Variants in BCAR3 observed in about 807,000 individuals in gnomAD.
BCAR3 encodes BCAR3 adaptor protein, NSP family member, also known as breast cancer anti-estrogen resistance protein 3.
BCAR3 carries 37 observed loss-of-function variants against 80.1 expected under a neutral mutation model. The ratio of observed to expected loss-of-function variants is 0.46; its 90% CI spans 0.36 to 0.61. The LOEUF is 0.61. BCAR3 is among the 20% of genes least tolerant of loss of function. BCAR3 has a pLI of 0.00. For missense variants in BCAR3, 978 were observed against 1,068.2 expected (o/e 0.92, Z 1.18); for synonymous variants, 389 against 418.9 (o/e 0.93, Z 0.87).
rs1675238966 is a variant in BCAR3 at position 93,619,255 on chromosome 1, G to A, written c.357+23049C>T. 1.3e-5 allele frequency among the ~76,000 whole-genome samples: 2 copies of A among 151,952 alleles called. 1 individual carries two copies. The highest frequency in any genetic ancestry group is 4.2e-4 in the South Asian group (2 of 4,808). Reference sequence around the variant, plus strand: ...GCCACTGTGCCCAGCCAAAGCCATGGTTTTTAGTTTCTGTCTCTAGTGATA... The same window carrying A: ...GCCACTGTGCCCAGCCAAAGCCATGATTTTTAGTTTCTGTCTCTAGTGATA... On this transcript the variant is annotated intron_variant, in intron 3 of 11. Coordinates refer to ENST00000260502, the MANE Select transcript of BCAR3 (RefSeq NM_003567.4).
intron 2 of BCAR3, among the ~76,000 whole-genome samples, chr1:93,662,610 T>C (rs914165284): frequency 6.6e-6 from 1 of 152,180 alleles, no homozygotes; most frequent in Middle Eastern, 3.2e-3. Flanking sequence ...TCCAGCGTGC[T>C]TCCTGTATTA....
intron 3 of BCAR3, among the ~76,000 whole-genome samples, chr1:93,599,902 C>G (rs957337348): frequency 2.0e-5 from 3 of 152,172 alleles, no homozygotes; most frequent in Non-Finnish European, 4.4e-5. Flanking sequence ...ATTCGAATCC[C>G]CACTGTTTAG....
chr1:93,570,381 T>C (rs1453221365), intron 9 of BCAR3, among the ~76,000 whole-genome samples: 2 of 152,216 alleles, frequency 1.3e-5, no homozygotes, highest in Admixed American at 6.5e-5. Flanking sequence ...AAAGTTTTGC[T>C]GGCTGGACTG....
intron 3 of BCAR3, among the ~76,000 whole-genome samples, chr1:93,692,857 C>T (rs182423305): frequency 9.8e-5 from 15 of 152,290 alleles, no homozygotes; most frequent in Non-Finnish European, 1.6e-4. Flanking sequence ...ACTTGCTAGG[C>T]ATTCCATAGA....
intron 2 of BCAR3, among the ~76,000 whole-genome samples, chr1:93,794,211 G>T (rs1324000562): frequency 1.3e-4 from 10 of 74,086 alleles, no homozygotes; most frequent in Admixed American, 3.0e-4. Flanking sequence ...GGGTATCCTT[G>T]TTGACTTTCT....
At chr1:93,624,993 G>A (rs1012417112) in intron 3 of BCAR3, among the ~76,000 whole-genome samples, 7 of 152,130 alleles carry the variant, frequency 4.6e-5, no homozygotes, top group African/African-American at 1.2e-4. Context: ...GGCGGATCAC[G>A]AGGTCAGGAG....
At chr1:93,752,338 C>G (rs1017941080) in intron 2 of BCAR3, among the ~76,000 whole-genome samples, 3 of 152,210 alleles carry the variant, frequency 2.0e-5, no homozygotes, top group Non-Finnish European at 4.4e-5. Flanking sequence ...GGGTAGGGAG[C>G]TGTGAGGTTT....
At chr1:93,656,830 CA>C (rs1455127483) in intron 2 of BCAR3, among the ~76,000 whole-genome samples, 1 of 152,120 alleles carries the variant, frequency 6.6e-6, no homozygotes, top group Non-Finnish European at 1.5e-5. Context: ...CTCAGCCTCT[CA>C]AAGTGGTAGG....
At chr1:93,782,119 G>T (rs887801303) in intron 2 of BCAR3, among the ~76,000 whole-genome samples, 42 of 152,310 alleles carry the variant, frequency 2.8e-4, no homozygotes, top group African/African-American at 8.9e-4. Context: ...GGAGGGAAAA[G>T]GAAGCAAAAT....
intron 2 of BCAR3, among the ~76,000 whole-genome samples, chr1:93,655,080 G>T (rs1647309286): frequency 6.6e-6 from 1 of 152,192 alleles, no homozygotes; most frequent in Non-Finnish European, 1.5e-5. Context: ...ATAAACCTAA[G>T]CGCAGCGTTC....
intron 3 of BCAR3, among the ~76,000 whole-genome samples, chr1:93,616,027 A>T (rs937385442): frequency 3.8e-4 from 58 of 152,322 alleles, no homozygotes; most frequent in African/African-American, 1.3e-3. Context: ...GCATTCCTGA[A>T]AGTAATATGC....
chr1:93,847,538 C>T (rs1046522716), upstream of BCAR3: 1 of 152,700 alleles, frequency 6.5e-6, no homozygotes, highest in African/African-American at 2.4e-5. Flanking sequence ...TCGCCTCTGG[C>T]TTAACATAGC....
chr1:93,601,733 A>G (rs961310329), intron 3 of BCAR3, among the ~76,000 whole-genome samples: 1 of 152,222 alleles, frequency 6.6e-6, no homozygotes, highest in Admixed American at 6.5e-5. Flanking sequence ...AAGCCTGGCA[A>G]TTAACTTGGT....
intron 2 of BCAR3, among the ~76,000 whole-genome samples, chr1:93,746,277 A>G (rs1030738508): frequency 6.6e-6 from 1 of 152,162 alleles, no homozygotes; most frequent in African/African-American, 2.4e-5. Context: ...TGTCTAGGAG[A>G]TGGAAAGAGA....
chr1:93,638,875 G>A (rs1675888024), intron 3 of BCAR3, among the ~76,000 whole-genome samples: 1 of 152,140 alleles, frequency 6.6e-6, no homozygotes, highest in Admixed American at 6.5e-5. Flanking sequence ...ATTGTGAGGA[G>A]AGAAGGTTAG....
At chr1:93,641,732 G>A (rs192689188) in intron 3 of BCAR3, among the ~76,000 whole-genome samples, 5 of 152,150 alleles carry the variant, frequency 3.3e-5, no homozygotes, top group Non-Finnish European at 5.9e-5. Flanking sequence ...GTGGCTGTTG[G>A]AATGGAAAAG....
chr1:93,721,333 C>T (rs559844539), intron 2 of BCAR3, among the ~76,000 whole-genome samples: 34 of 152,206 alleles, frequency 2.2e-4, no homozygotes, highest in South Asian at 8.3e-4. Flanking sequence ...GTGGTTTGCC[C>T]AGGTTGTCCC....
chr1:93,698,084 A>G (rs887400092), intron 3 of BCAR3, among the ~76,000 whole-genome samples: 23 of 152,230 alleles, frequency 1.5e-4, no homozygotes, highest in African/African-American at 5.5e-4. Flanking sequence ...GCTCACAGGA[A>G]GGGCTACGGC....
intron 3 of BCAR3, among the ~76,000 whole-genome samples, chr1:93,624,704 T>A (rs932462679): frequency 6.6e-6 from 1 of 152,268 alleles, no homozygotes; most frequent in Non-Finnish European, 1.5e-5. Context: ...GGAACTAAGA[T>A]GTGCAGTAAG....
Sources: gnomAD v4.1 joint callset for allele counts (sites outside exome capture counted in the v4.1 genomes callset) on GRCh38, gnomAD v4.1.1 for gene constraint, MANE v1.5 for transcripts, NCBI Gene and HGNC (gene_info 2026-07-23, HGNC 2026-07-21) for gene names.